The following SYDE2 variants were observed in gnomAD, a reference collection of about 807,000 sequenced individuals.
SYDE2 encodes rho GTPase-activating protein SYDE2.
SYDE2 carries 76 observed loss-of-function variants against 91.5 expected under a neutral mutation model. The observed-to-expected ratio is 0.83, with a 90% CI of 0.69 to 1.01. The LOEUF is 1.01. SYDE2 is among the 50% of genes least tolerant of loss of function. The pLI is 0.00. For synonymous variants in SYDE2, 513 were observed against 506.4 expected, an observed-to-expected ratio of 1.01 and a Z score of -0.18; for missense variants, 1,364 against 1,367.7, an observed-to-expected ratio of 1.00 and a Z score of 0.04.
Position 85,182,242 on chromosome 1 carries a change from A to T in SYDE2, c.2400T>A (p.Asn800Lys). ...VKVTLMEQWE[N>K]SLHGLDINQE... is the part of the protein sequence containing the mutation. ...GGTTTATATCTAGTCCATGAAGAGA[A>T]TTCTCCCACTGTTCCATAAGAGTCA... The change falls in exon 3 of 7, where the codon AAT (asparagine) becomes AAA (lysine). Residue 800 changes from asparagine to lysine, a missense_variant. Physicochemically the swap from Asn to Lys is moderately conservative, Grantham distance 94. Coordinates refer to ENST00000341460, the MANE Select transcript of SYDE2 (RefSeq NM_032184.2). The T allele has an allele frequency of 6.2e-7, 1 of 1,610,388 alleles. No individual in the cohort carries two copies. The highest frequency in any genetic ancestry group is 2.2e-5 in the East Asian group (1 of 44,836).
chr1:85,154,173 A>G (rs138771877), downstream of SYDE2: 28 of 151,956 alleles, frequency 1.8e-4, no homozygotes, highest in East Asian at 5.1e-3. Flanking sequence ...ATCATAATAC[A>G]ACTTTATCAT....
rs772601852 is a variant in SYDE2 at position 85,190,259 on chromosome 1, C to T, written c.1239G>A (p.Met413Ile). 5.0e-6 allele frequency: 8 copies of T among 1,613,822 alleles called. No homozygotes were observed. The East Asian group carries it at 1.3e-4, about 27-fold the overall frequency. Reference protein sequence around the residue: ...NLSMLSGSDLMKAERHTEDSL... With the variant: ...NLSMLSGSDLIKAERHTEDSL... ...AGTCTTCAGTATGCCGCTCTGCTTT[C>T]ATCAGGTCACTGCCAGACAACATGC... The change falls in exon 2 of 7, where the codon ATG (methionine) becomes ATA (isoleucine). Residue 413 changes from methionine to isoleucine, a missense_variant. Transcript: ENST00000341460.
intron 2 of SYDE2, among the ~76,000 whole-genome samples, chr1:85,189,168 G>C (rs12141372): frequency 0.33 from 49,902 of 151,956 alleles, 9,526 homozygotes; most frequent in South Asian, 0.45. Flanking sequence ...TTCATTTTTA[G>C]GTTCCATAAC....
chr1:85,164,592 GTTC>G lies in SYDE2; in HGVS notation c.3016_3018del (p.Glu1006del), dbSNP rs757207375. 6.8e-6 allele frequency: 11 copies of G among 1,608,204 alleles called. No homozygotes were observed. In the Admixed American group the frequency reaches 1.7e-4, roughly 25 times the overall value. ...TTTTTAAAATCCAAAGCACTTGCAA[GTTC>G]TTCTGAATCAGTAAAGACTCTGTTG... On this transcript the variant is annotated inframe_deletion, in exon 6 of 7. Coordinates refer to ENST00000341460, the MANE Select transcript of SYDE2 (RefSeq NM_032184.2).
chr1:85,193,117 CAA>C (rs1658435809), intron 1 of SYDE2, among the ~76,000 whole-genome samples: 1 of 152,200 alleles, frequency 6.6e-6, no homozygotes, highest in African/African-American at 2.4e-5. Flanking sequence ...AAGGGAAATT[CAA>C]AAGTCTTTCT....
chr1:85,165,291 C>T (rs751638716), intron 5 of SYDE2, among the ~76,000 whole-genome samples: 27 of 152,286 alleles, frequency 1.8e-4, no homozygotes, highest in Non-Finnish European at 2.5e-4. Flanking sequence ...AATATACATT[C>T]TTTATAAAAT....
intron 4 of SYDE2, among the ~76,000 whole-genome samples, chr1:85,175,366 G>A (rs1374650050): frequency 6.6e-6 from 1 of 152,194 alleles, no homozygotes; most frequent in Non-Finnish European, 1.5e-5. Flanking sequence ...TGGGCGTAGT[G>A]GCGTGTGCCT....
At chr1:85,193,562 C>A (rs1219023436) in intron 1 of SYDE2, among the ~76,000 whole-genome samples, 1 of 152,126 alleles carries the variant, frequency 6.6e-6, no homozygotes, top group Non-Finnish European at 1.5e-5. Context: ...CTACCAGTAT[C>A]CCATATTTAA....
At chr1:85,181,381 C>T (rs1167048065) in intron 3 of SYDE2, 2 of 152,010 alleles carry the variant, frequency 1.3e-5, no homozygotes, top group East Asian at 3.9e-4. Flanking sequence ...GAACTCCTGA[C>T]CTCAGGTGAT....
chr1:85,191,896 A>T (rs1658385193), intron 1 of SYDE2, among the ~76,000 whole-genome samples: 1 of 152,194 alleles, frequency 6.6e-6, no homozygotes, highest in South Asian at 2.1e-4. Context: ...TTGTGTTTCC[A>T]GAGTTGTAAA....
At chr1:85,164,258 A>G (rs1657184130) in intron 6 of SYDE2, among the ~76,000 whole-genome samples, 1 of 152,246 alleles carries the variant, frequency 6.6e-6, no homozygotes, top group Non-Finnish European at 1.5e-5. Context: ...ACCCAAGGTC[A>G]GATTGCTAAT....
intron 5 of SYDE2, among the ~76,000 whole-genome samples, chr1:85,168,547 T>C (rs142820934): frequency 9.3e-4 from 141 of 152,194 alleles, no homozygotes; most frequent in African/African-American, 3.2e-3. Flanking sequence ...TCTGAAGATT[T>C]TGGAGAGGGG....
chr1:85,161,654 A>G (rs1360108234), intron 6 of SYDE2, among the ~76,000 whole-genome samples: 1 of 150,630 alleles, frequency 6.6e-6, no homozygotes, highest in Non-Finnish European at 1.5e-5. Context: ...TGAACCTGAG[A>G]GGCAAAGGTT....
intron 1 of SYDE2, among the ~76,000 whole-genome samples, chr1:85,193,794 CT>C (rs957710924): frequency 6.6e-6 from 1 of 151,728 alleles, no homozygotes; most frequent in Non-Finnish European, 1.5e-5. Flanking sequence ...TGGCTAATTT[CT>C]TTTTTTTCTT....
chr1:85,167,082 C>T lies in SYDE2; in HGVS notation c.2853+1962G>A, dbSNP rs978207956. Among the ~76,000 whole-genome samples, 6 of 151,958 alleles carry T rather than the reference C, an allele frequency of 3.9e-5. No individual in the cohort carries two copies. In the East Asian group the frequency reaches 7.8e-4, roughly 20 times the overall value. On this transcript the variant is annotated intron_variant, in intron 5 of 6. Coordinates refer to ENST00000341460, the MANE Select transcript of SYDE2 (RefSeq NM_032184.2). ...AAAAAAAATTAGTTGAGGGTGACGGCACATGCCTGAAGTCCCAGCTACTTG... is the reference window on the plus strand; with the variant it reads ...AAAAAAAATTAGTTGAGGGTGACGGTACATGCCTGAAGTCCCAGCTACTTG...
intron 6 of SYDE2, chr1:85,159,793 G>A (rs1656992045): frequency 1.1e-6 from 1 of 924,336 alleles, no homozygotes; most frequent in Non-Finnish European, 1.3e-6. Flanking sequence ...TTGATAAAAT[G>A]TACAAATACT....
downstream of SYDE2, among the ~76,000 whole-genome samples, chr1:85,155,406 G>A (rs1346415071): frequency 6.6e-6 from 1 of 152,116 alleles, no homozygotes; most frequent in Non-Finnish European, 1.5e-5. Context: ...GGGAGACTGA[G>A]GCGGAAAGGA....
intron 1 of SYDE2, among the ~76,000 whole-genome samples, chr1:85,191,743 G>A (rs1163848959): frequency 1.4e-5 from 2 of 144,110 alleles, no homozygotes; most frequent in Admixed American, 7.1e-5. Context: ...GGGTAACAGA[G>A]CGAGATTCCG....
chr1:85,154,034 A>C (rs1276665167), downstream of SYDE2: 2 of 152,164 alleles, frequency 1.3e-5, no homozygotes, highest in African/African-American at 4.8e-5. Flanking sequence ...GACTTGTGGC[A>C]CTTCAGTGTT....
Sources: allele counts gnomAD v4.1 joint callset (sites outside exome capture counted in the v4.1 genomes callset), GRCh38; gene constraint gnomAD v4.1.1; transcripts MANE v1.5; gene names NCBI Gene and HGNC (gene_info 2026-07-23, HGNC 2026-07-21).